Variants in LRIG2 observed in about 807,000 individuals in gnomAD.
LRIG2 encodes the protein leucine rich repeats and immunoglobulin like domains 2, also known as leucine-rich repeats and immunoglobulin-like domains protein 2.
LRIG2 carries 93 observed loss-of-function variants against 107.8 expected under a neutral mutation model. The observed-to-expected ratio is 0.86, with a 90% CI of 0.73 to 1.03. The LOEUF (loss-of-function observed/expected upper bound fraction) is 1.03. LRIG2 is among the 50% of genes least tolerant of loss of function. The probability of loss-of-function intolerance (pLI) is 0.00; values close to 1 mark genes in which losing one functional copy is unlikely to be tolerated. For missense variants in LRIG2, 1,226 were observed against 1,296.0 expected, an observed-to-expected ratio of 0.95 and a Z score of 0.83; for synonymous variants, 471 against 470.6, an observed-to-expected ratio of 1.00 and a Z score of -0.01.
intron 1 of LRIG2, among the ~76,000 whole-genome samples, chr1:113,088,375 AC>A (rs1653649239): frequency 6.6e-6 from 1 of 152,212 alleles, no homozygotes; most frequent in Non-Finnish European, 1.5e-5. Context: ...TTTCACTAAT[AC>A]CAAATACTAA....
rs557426054 is a variant in LRIG2 at position 113,120,163 on chromosome 1, TG to T, written c.2971+646del. Among the ~76,000 whole-genome samples, 41 of 151,130 alleles carry T rather than the reference TG, an allele frequency of 2.7e-4. 1 individual carries two copies. The South Asian group carries it at 5.1e-3, about 19-fold the overall frequency. On this transcript the variant is annotated intron_variant, in intron 17 of 17. Transcript: ENST00000361127. ...TTTATTTAAATAAAAGAATAAAATATGGGGGGCCGGGCACAGTGGCTCACGC... is the reference window on the plus strand; with the variant it reads ...TTTATTTAAATAAAAGAATAAAATATGGGGGCCGGGCACAGTGGCTCACGC...
At chr1:113,109,442 T>C (rs1248739068) in intron 12 of LRIG2, among the ~76,000 whole-genome samples, 2 of 152,236 alleles carry the variant, frequency 1.3e-5, no homozygotes, top group African/African-American at 4.8e-5. Flanking sequence ...ATTTGTTTTA[T>C]TAGGTATTCT....
At chr1:113,085,160 A>G (rs1570730543) in intron 1 of LRIG2, among the ~76,000 whole-genome samples, 1 of 152,384 alleles carries the variant, frequency 6.6e-6, no homozygotes, top group East Asian at 1.9e-4. Flanking sequence ...TTTGTAACAA[A>G]TAACTGGCAG....
intron 12 of LRIG2, 21 bp from the exon 13 acceptor site, chr1:113,110,221 G>T: frequency 6.6e-7 from 1 of 1,516,346 alleles, no homozygotes; most frequent in South Asian, 1.2e-5. Flanking sequence ...CTTGGCTACG[G>T]ATGCATTTTT....
rs1570740844 is a variant in LRIG2, at chr1:113,093,450, A to T, written c.401A>T (p.Glu134Val). 3.7e-6 allele frequency: 6 copies of T among 1,614,008 alleles called. No homozygotes were observed. The East Asian group carries it at 1.3e-4, about 36-fold the overall frequency. The part of the protein sequence containing the change: ...LLSLVHNIIP[E>V]INAQALQFYP... ...TACAGAGTCCATAATATAATCCCAG[A>T]AATAAATGCACAGGCACTCCAGTTT... The change falls in exon 4 of 18, where the codon GAA (glutamate) becomes GTA (valine). Residue 134 changes from glutamate to valine, a missense_variant. Transcript: ENST00000361127.
rs779204934 is a variant in LRIG2, at chr1:113,073,514, C to A, written c.108C>A (p.Pro36=). The A allele has an allele frequency of 2.5e-6, 4 of 1,614,160 alleles. No homozygotes were observed. The highest frequency in any genetic ancestry group is 3.4e-6 in the Non-Finnish European group (4 of 1,180,012). ...CCCAGACCGCTCTCCTCCTGTTGCC[C>A]GCCGCCGGAGCAGGTCTCTGCCCCG... The part of the protein sequence containing the change: ...FIAQTALLLL[P]AAGAGLCPAP... The change falls in exon 1 of 18, where the codon CCC becomes CCA. Residue 36 remains proline, a synonymous_variant. Transcript: ENST00000361127.
chr1:113,100,425 T>C lies in LRIG2; in HGVS notation c.1250T>C (p.Leu417Ser), dbSNP rs1179943239. 6.5e-7 allele frequency: 1 copy of C among 1,528,744 alleles called. No individual in the cohort carries two copies. Among genetic ancestry groups the C allele is most frequent in the Non-Finnish European group, 9.0e-7 (1 of 1,107,194 alleles). 94.7% of individuals were successfully genotyped at this position (1,528,744 alleles called of 1,614,324 possible). A position where few individuals can be genotyped will look rare whatever the true frequency, so the allele number is the denominator to read the frequency against. Residue 417 changes from leucine to serine, a missense_variant, in exon 11 of 18, where the codon TTG becomes TCG. This residue lies in a region of LRIG2 where 570 missense variants were observed against 550.2 expected (regional missense o/e 1.04). Coordinates refer to ENST00000361127, the MANE Select transcript of LRIG2 (RefSeq NM_014813.3). ...TTCATTTCTCTTTATTTCAGAGATT[T>C]GAACAATAATGCTATAATGTCTATC... ...IGLESLEHLD[L>S]NNNAIMSIQE...
intron 15 of LRIG2, among the ~76,000 whole-genome samples, chr1:113,115,845 G>A (rs954943617): frequency 1.3e-5 from 2 of 152,132 alleles, no homozygotes; most frequent in South Asian, 2.1e-4. Context: ...TTCTAAAAAC[G>A]CATTACAGAT....
chr1:113,088,931 C>T (rs1411175303), intron 1 of LRIG2, among the ~76,000 whole-genome samples: 1 of 152,084 alleles, frequency 6.6e-6, no homozygotes, highest in African/African-American at 2.4e-5. Flanking sequence ...TTTTCTGACA[C>T]CCTCCTCCAT....
intron 1 of LRIG2, among the ~76,000 whole-genome samples, chr1:113,081,831 A>G (rs1457284600): frequency 2.0e-5 from 3 of 152,192 alleles, no homozygotes; most frequent in Non-Finnish European, 2.9e-5. Flanking sequence ...CCAGCCACCC[A>G]TTTCTAAAGT....
At chr1:113,106,240 A>G (rs12131768) in intron 11 of LRIG2, among the ~76,000 whole-genome samples, 2,028 of 151,496 alleles carry the variant, frequency 0.013, 19 homozygotes, top group East Asian at 0.033. Context: ...AAAAAAAAAA[A>G]GAGTTAAAAT....
At chr1:113,101,580 A>G (rs997959671) in intron 11 of LRIG2, among the ~76,000 whole-genome samples, 11 of 152,250 alleles carry the variant, frequency 7.2e-5, no homozygotes, top group Admixed American at 6.5e-5. Flanking sequence ...GTTGTAGTTT[A>G]TAAAAGTATT....
At chr1:113,094,257 A>G in intron 4 of LRIG2, 82 bp from the exon 5 acceptor site, 4 of 952,120 alleles carry the variant, frequency 4.2e-6, no homozygotes, top group Non-Finnish European at 6.3e-6. Context: ...GGGGGCTTAG[A>G]CATAGATTTT....
At chr1:113,093,375 T>C (rs968298614) in intron 3 of LRIG2, 55 bp from the exon 4 acceptor site, 7 of 1,588,258 alleles carry the variant, frequency 4.4e-6, no homozygotes, top group Non-Finnish European at 6.0e-6. Context: ...ATTAACATTT[T>C]TGTGGCCTGG....
intron 1 of LRIG2, among the ~76,000 whole-genome samples, chr1:113,076,906 C>T (rs1402901524): frequency 6.6e-6 from 1 of 152,140 alleles, no homozygotes; most frequent in Non-Finnish European, 1.5e-5. Flanking sequence ...TGATTACACA[C>T]ACATACACAG....
rs1475899003 is a variant in LRIG2, at chr1:113,112,728, G to A, written c.2048G>A (p.Gly683Asp). The change falls in exon 14 of 18, where the codon GGT becomes GAT. Residue 683 changes from glycine to aspartate, a missense_variant. This residue lies in a region of LRIG2 where 642 missense variants were observed against 712.2 expected (regional missense o/e 0.90). Coordinates refer to ENST00000361127, the MANE Select transcript of LRIG2 (RefSeq NM_014813.3). ...TGCATGGCACAAAATACAGCAGGAGGTCTCTCAGCAAATGCTTCCCTAACA... is the reference window on the plus strand; with the variant it reads ...TGCATGGCACAAAATACAGCAGGAGATCTCTCAGCAAATGCTTCCCTAACA... ...YSCMAQNTAG[G>D]LSANASLTVL... is the part of the protein sequence containing the mutation. 1 of 1,607,190 alleles carries A rather than the reference G, an allele frequency of 6.2e-7. No homozygotes were observed. The highest frequency in any genetic ancestry group is 8.5e-7 in the Non-Finnish European group (1 of 1,174,126).
chr1:113,079,653 C>T (rs1570722055), intron 1 of LRIG2, among the ~76,000 whole-genome samples: 1 of 129,686 alleles, frequency 7.7e-6, no homozygotes, highest in Admixed American at 8.7e-5. Flanking sequence ...ACTCTAGCAA[C>T]AGAGCAAGAC....
intron 2 of LRIG2, among the ~76,000 whole-genome samples, chr1:113,092,127 T>A (rs186095933): frequency 1.3e-5 from 2 of 152,344 alleles, no homozygotes; most frequent in African/African-American, 4.8e-5. Context: ...TTGACAAGTT[T>A]GTTAGCTGAA....
rs571531579 is a variant in LRIG2, at chr1:113,127,883, C to T, written c.*3782C>T. 1 of 152,150 alleles carries T rather than the reference C, an allele frequency of 6.6e-6. No individual in the cohort carries two copies. Among genetic ancestry groups the T allele is most frequent in the African/African-American group, 2.4e-5 (1 of 41,520 alleles). 9.4% of individuals were successfully genotyped at this position (152,150 alleles called of 1,614,324 possible). A position where few individuals can be genotyped will look rare whatever the true frequency, so the allele number is the denominator to read the frequency against. On this transcript the variant is annotated 3_prime_UTR_variant, in exon 18 of 18. Coordinates refer to ENST00000361127, the MANE Select transcript of LRIG2 (RefSeq NM_014813.3). ...GAGCCCGGCCGGTCCTTATTTTATA[C>T]AAGTGATTAAGCCAAAAATTTTCTT...
Sources: gnomAD v4.1 joint callset for allele counts (sites outside exome capture counted in the v4.1 genomes callset) on GRCh38, gnomAD v4.1.1 for gene constraint, gnomAD v4.1.1 regional missense constraint, MANE v1.5 for transcripts, NCBI Gene and HGNC (gene_info 2026-07-23, HGNC 2026-07-21) for gene names.